Variants in CPNE1 observed in about 807,000 individuals in gnomAD.
CPNE1 encodes copine-1.
In CPNE1, 58 loss-of-function variants were observed where a neutral mutation model predicts 63.2. The observed-to-expected ratio is 0.92, with a 90% CI of 0.74 to 1.14. The LOEUF is 1.14. CPNE1 is among the 50% of genes most tolerant of loss of function. The pLI is 0.00. For missense variants in CPNE1, 672 were observed against 661.7 expected, an observed-to-expected ratio of 1.02 and a Z score of -0.17; for synonymous variants, 237 against 249.0, an observed-to-expected ratio of 0.95 and a Z score of 0.45.
chr20:35,664,060 G>C (rs73905926), intron 1 of CPNE1, among the ~76,000 whole-genome samples: 15,740 of 152,112 alleles, frequency 0.1, 851 homozygotes, highest in South Asian at 0.14. Context: ...AGCCTCAGGA[G>C]GCGTACTCAC....
intron 2 of CPNE1, 24 bp from the exon 3 acceptor site, chr20:35,632,720 T>C (rs548810807): frequency 1.1e-6 from 1 of 890,644 alleles, no homozygotes; most frequent in Admixed American, 1.7e-5. Context: ...CCAGTAAGCA[T>C]CACAGTCACA....
chr20:35,640,534 C>T (rs933448015), intron 1 of CPNE1, among the ~76,000 whole-genome samples: 1 of 152,190 alleles, frequency 6.6e-6, no homozygotes, highest in East Asian at 1.9e-4. Flanking sequence ...CTCTAACAGT[C>T]TAACTGGTTT....
intron 1 of CPNE1, among the ~76,000 whole-genome samples, chr20:35,641,811 C>T (rs2032826953): frequency 6.6e-6 from 1 of 152,192 alleles, no homozygotes; most frequent in Non-Finnish European, 1.5e-5. Context: ...TCAGAATAAA[C>T]ACTGTTTCAG....
At chr20:35,651,764 T>G (rs1210208444) in intron 1 of CPNE1, 1 of 152,612 alleles carries the variant, frequency 6.6e-6, no homozygotes, top group Non-Finnish European at 1.5e-5. Flanking sequence ...CCAAAAAGGC[T>G]CTGGTAGATA....
chr20:35,661,989 T>A (rs898122225), intron 1 of CPNE1, among the ~76,000 whole-genome samples: 1 of 152,210 alleles, frequency 6.6e-6, no homozygotes, highest in African/African-American at 2.4e-5. Flanking sequence ...AATCACATTA[T>A]AATAAACATT....
rs756714301 is a variant in CPNE1, at chr20:35,631,766, G to T, written c.549C>A (p.Asn183Lys). ...HLVYRSEVIK[N>K]NLNPTWKRFS... Reference sequence around the variant, plus strand: ...AACGCTTCCATGTAGGGTTCAGGTTGTTCTTGATGACCTGAAGGTGGAGGC... The same window carrying T: ...AACGCTTCCATGTAGGGTTCAGGTTTTTCTTGATGACCTGAAGGTGGAGGC... The change falls in exon 7 of 16, where the codon AAC becomes AAA. Residue 183 changes from asparagine (N) to lysine (K), a missense_variant. Asn to Lys is a moderately conservative substitution (Grantham distance 94, BLOSUM62 0). Coordinates refer to ENST00000397443, the MANE Select transcript of CPNE1 (RefSeq NM_152925.3). 6.2e-7 allele frequency: 1 copy of T among 1,613,792 alleles called. No individual in the cohort carries two copies. The highest frequency in any genetic ancestry group is 1.7e-5 in the Admixed American group (1 of 60,002).
chr20:35,663,405 T>C (rs2034344044), intron 1 of CPNE1, among the ~76,000 whole-genome samples: 1 of 152,156 alleles, frequency 6.6e-6, no homozygotes, highest in South Asian at 2.1e-4. Context: ...AATTACACCA[T>C]TTCAAACCAT....
chr20:35,662,222 ATTAAG>A (rs754361719), intron 1 of CPNE1, among the ~76,000 whole-genome samples: 6 of 152,220 alleles, frequency 3.9e-5, no homozygotes, highest in South Asian at 4.1e-4. Flanking sequence ...TGTCAAAAAT[ATTAAG>A]TTATGTTTCA....
chr20:35,661,049 T>TA (rs1477529354), intron 1 of CPNE1, among the ~76,000 whole-genome samples: 2 of 152,214 alleles, frequency 1.3e-5, no homozygotes, highest in African/African-American at 4.8e-5. Flanking sequence ...GTGTACAACT[T>TA]AAAGCACAAA....
chr20:35,640,565 CCCT>C (rs1568920866), intron 1 of CPNE1, among the ~76,000 whole-genome samples: 2 of 152,086 alleles, frequency 1.3e-5, no homozygotes, highest in African/African-American at 4.8e-5. Flanking sequence ...ACTCTCAGTC[CCCT>C]CCTATCTGTT....
chr20:35,628,660 G>C (rs991050272), intron 13 of CPNE1, among the ~76,000 whole-genome samples: 1 of 152,228 alleles, frequency 6.6e-6, no homozygotes, highest in African/African-American at 2.4e-5. Context: ...CATGAAATGT[G>C]AATGTCATGA....
chr20:35,642,889 A>G lies in CPNE1; in HGVS notation c.1-9966T>C, dbSNP rs555669470. Reference sequence around the variant, plus strand: ...ACTACAAAGCTTAACATGTGCACACAAAAACTAAAAGGTGGGAAAATATGA... The same window carrying G: ...ACTACAAAGCTTAACATGTGCACACGAAAACTAAAAGGTGGGAAAATATGA... On this transcript the variant is annotated intron_variant, in intron 1 of 15. Transcript: ENST00000397443. Among the ~76,000 whole-genome samples, 6 of 152,210 alleles carry G rather than the reference A, an allele frequency of 3.9e-5. No individual in the cohort carries two copies. In the East Asian group the frequency reaches 9.6e-4, roughly 24 times the overall value.
chr20:35,636,069 T>A (rs1601431682), intron 1 of CPNE1, among the ~76,000 whole-genome samples: 1 of 152,302 alleles, frequency 6.6e-6, no homozygotes, highest in East Asian at 1.9e-4. Context: ...CCTTACCCTA[T>A]CTCCCTATGA....
At chr20:35,654,182 G>T (rs750535784) in intron 1 of CPNE1, 1 of 1,614,088 alleles carries the variant, frequency 6.2e-7, no homozygotes, top group Non-Finnish European at 8.5e-7. Flanking sequence ...GCTACCCACT[G>T]TCTTTCTGTG....
At chr20:35,661,468 G>C (rs534846092) in intron 1 of CPNE1, among the ~76,000 whole-genome samples, 18 of 152,282 alleles carry the variant, frequency 1.2e-4, no homozygotes, top group African/African-American at 4.1e-4. Flanking sequence ...ACAGCATAAT[G>C]ATAGGAAAGG....
intron 1 of CPNE1, among the ~76,000 whole-genome samples, chr20:35,637,481 CA>C (rs2032552531): frequency 6.6e-6 from 1 of 152,136 alleles, no homozygotes; most frequent in Non-Finnish European, 1.5e-5. Context: ...ACTAGTCATC[CA>C]AAGTTATTTC....
chr20:35,626,882 A>G (rs2031783347), intron 14 of CPNE1, 79 bp from the exon 15 acceptor site: 2 of 1,155,696 alleles, frequency 1.7e-6, no homozygotes, highest in African/African-American at 3.0e-5. Context: ...ACATCCCCAC[A>G]CTCATAAGAA....
At chr20:35,653,223 T>G (rs1016477529) in intron 1 of CPNE1, 3 of 1,613,590 alleles carry the variant, frequency 1.9e-6, no homozygotes, top group Non-Finnish European at 2.5e-6. Context: ...CTTCACCTCC[T>G]GCACTAGGTA....
chr20:35,654,215 G>A (rs1156780822), intron 1 of CPNE1: 3 of 1,614,200 alleles, frequency 1.9e-6, no homozygotes, highest in Non-Finnish European at 1.7e-6. Flanking sequence ...TCCACATAGC[G>A]TTGAATCATC....
Sources: gnomAD v4.1 joint callset for allele counts (sites outside exome capture counted in the v4.1 genomes callset) on GRCh38, gnomAD v4.1.1 for gene constraint, MANE v1.5 for transcripts, NCBI Gene and HGNC (gene_info 2026-07-23, HGNC 2026-07-21) for gene names.